ASIC2: variants seen among roughly 807,000 people sequenced by gnomAD.
ASIC2 encodes the protein acid sensing ion channel subunit 2, also known as acid-sensing ion channel 2.
A neutral mutation model predicts 57.3 loss-of-function variants in ASIC2; 25 were observed. The observed-to-expected ratio is 0.44, with a 90% CI of 0.32 to 0.61. The LOEUF is 0.61. Among genes scored for constraint, ASIC2 ranks in the 20% least tolerant of loss-of-function variants. The pLI is 0.06. For synonymous variants in ASIC2, 319 were observed against 307.5 expected (o/e 1.04, Z -0.39); for missense variants, 641 against 738.1 (o/e 0.87, Z 1.52).
At chr17:33,338,548 T>C (rs1907610817) in intron 1 of ASIC2, among the ~76,000 whole-genome samples, 1 of 152,106 alleles carries the variant, frequency 6.6e-6, no homozygotes, top group African/African-American at 2.4e-5. Context: ...ACAAGATGTG[T>C]GCGTGCACGA....
intron 1 of ASIC2, among the ~76,000 whole-genome samples, chr17:33,335,045 A>T (rs1410768813): frequency 6.6e-6 from 1 of 152,206 alleles, no homozygotes; most frequent in East Asian, 1.9e-4. Context: ...AACCAGTGTC[A>T]TGTGAGCCAA....
Position 34,156,204 on chromosome 17 carries a change from G to C in ASIC2, c.329C>G (p.Ala110Gly). 1 of 1,614,136 alleles carries C rather than the reference G, an allele frequency of 6.2e-7. No homozygotes were observed. The highest frequency in any genetic ancestry group is 8.5e-7 in the Non-Finnish European group (1 of 1,180,032). The change falls in exon 1 of 10, where the codon GCT (alanine) becomes GGT (glycine). Residue 110 changes from alanine to glycine, a missense_variant. Physicochemically the swap from Ala to Gly is moderately conservative, Grantham distance 60. Transcript: ENST00000359872. The surrounding 1 kb of genome is among the most constrained non-coding windows in gnomAD (Gnocchi z 4.4). Reference sequence around the variant, plus strand: ...ATCCAGCAGGGCCAGCAGCTCCCCAGCATGGTACAGGTCATTGGTGGTGAG... The same window carrying C: ...ATCCAGCAGGGCCAGCAGCTCCCCACCATGGTACAGGTCATTGGTGGTGAG...
At chr17:33,484,156 A>G (rs1913504109) in intron 1 of ASIC2, among the ~76,000 whole-genome samples, 1 of 152,254 alleles carries the variant, frequency 6.6e-6, no homozygotes, top group South Asian at 2.1e-4. Flanking sequence ...CTCCAGAACT[A>G]CAACAGAATA....
chr17:33,474,465 T>A (rs1175880414), intron 1 of ASIC2, among the ~76,000 whole-genome samples: 1 of 152,202 alleles, frequency 6.6e-6, no homozygotes, highest in African/African-American at 2.4e-5. Context: ...GAGAAAGGAA[T>A]GGGTGTAACC....
intron 1 of ASIC2, among the ~76,000 whole-genome samples, chr17:33,978,079 T>C (rs1246283620): frequency 6.6e-6 from 1 of 152,150 alleles, no homozygotes; most frequent in Non-Finnish European, 1.5e-5. Context: ...CATGAGTGAA[T>C]TCATAGCTGA....
intron 1 of ASIC2, among the ~76,000 whole-genome samples, chr17:34,116,539 A>G (rs1911428618): frequency 6.6e-6 from 1 of 152,156 alleles, no homozygotes. Flanking sequence ...AAGAAATCTT[A>G]CATTCTAGTC....
chr17:33,194,829 G>A (rs1199372464), intron 1 of ASIC2, among the ~76,000 whole-genome samples: 2 of 152,184 alleles, frequency 1.3e-5, no homozygotes, highest in Non-Finnish European at 2.9e-5. Flanking sequence ...CAACTTCTGG[G>A]ATACTCAGAG....
chr17:33,263,331 G>A (rs1909350693), intron 1 of ASIC2, among the ~76,000 whole-genome samples: 1 of 152,210 alleles, frequency 6.6e-6, no homozygotes. Flanking sequence ...TGTGGCTCCT[G>A]GCTGTGAGTC....
chr17:33,945,176 C>T (rs1481309077), intron 1 of ASIC2, among the ~76,000 whole-genome samples: 1 of 152,204 alleles, frequency 6.6e-6, no homozygotes, highest in Non-Finnish European at 1.5e-5. Flanking sequence ...TCTCCAGTCA[C>T]TTAACATCCC....
At chr17:33,410,364 C>T (rs962687929) in intron 1 of ASIC2, among the ~76,000 whole-genome samples, 1 of 152,164 alleles carries the variant, frequency 6.6e-6, no homozygotes, top group South Asian at 2.1e-4. Flanking sequence ...GGTTTAGAAA[C>T]GTACATGAGA....
In ASIC2 at chr17:34,110,185, G is replaced by A. The variant is rs115126281; in HGVS notation, c.555+45793C>T. On this transcript the variant is annotated intron_variant, in intron 1 of 9. Coordinates refer to the ASIC2 transcript ENST00000359872. ...ACCTTAAGGAGATGCTCTGAGAAGA[G>A]AGTCCCCAGTCTTGCCTATCTTATA... Among the ~76,000 whole-genome samples the A allele has an allele frequency of 6.3e-3, 966 of 152,288 alleles. 15 individuals carry two copies. The highest frequency in any genetic ancestry group is 0.022 in the African/African-American group (932 of 41,546).
At chr17:34,041,428 A>G (rs534681821) in intron 1 of ASIC2, 3 of 152,334 alleles carry the variant, frequency 2.0e-5, no homozygotes, top group South Asian at 4.1e-4. Context: ...CTAAGAGGCA[A>G]TATGATCAAA....
At chr17:33,213,362 G>A (rs1393751926) in intron 1 of ASIC2, among the ~76,000 whole-genome samples, 1 of 152,218 alleles carries the variant, frequency 6.6e-6, no homozygotes, top group Non-Finnish European at 1.5e-5. Flanking sequence ...AACAAGAGGG[G>A]CTGGCAATTT....
intron 1 of ASIC2, among the ~76,000 whole-genome samples, chr17:33,881,720 C>T (rs1013530947): frequency 1.5e-4 from 23 of 151,996 alleles, no homozygotes; most frequent in African/African-American, 5.3e-4. Context: ...CCATCCCCAT[C>T]AAGCTCAATG....
chr17:34,053,258 G>A (rs781515454), intron 1 of ASIC2, among the ~76,000 whole-genome samples: 10 of 152,198 alleles, frequency 6.6e-5, no homozygotes, highest in East Asian at 1.9e-4. Context: ...AGTTTAATGC[G>A]TCCACAGGCA....
intron 1 of ASIC2, among the ~76,000 whole-genome samples, chr17:33,507,028 A>C (rs774787271): frequency 6.6e-6 from 1 of 152,178 alleles, no homozygotes; most frequent in Non-Finnish European, 1.5e-5. Context: ...CTCTTCCTGT[A>C]GTCTTCACTG....
At chr17:33,658,531 C>T (rs1907148414) in intron 1 of ASIC2, among the ~76,000 whole-genome samples, 1 of 152,218 alleles carries the variant, frequency 6.6e-6, no homozygotes, top group Admixed American at 6.5e-5. Context: ...CACAGTTCTA[C>T]AGGCTGGAAA....
chr17:33,480,759 C>T (rs1483500273), intron 1 of ASIC2, among the ~76,000 whole-genome samples: 1 of 152,070 alleles, frequency 6.6e-6, no homozygotes, highest in East Asian at 1.9e-4. Context: ...CTGTAGAAAC[C>T]CTCTACCCCA....
At chr17:33,305,672 A>G (rs1937625754) in intron 1 of ASIC2, among the ~76,000 whole-genome samples, 1 of 152,230 alleles carries the variant, frequency 6.6e-6, no homozygotes, top group Admixed American at 6.5e-5. Flanking sequence ...TGGGCCATCA[A>G]GATTACATTT....
Sources: gnomAD v4.1 joint callset for allele counts (sites outside exome capture counted in the v4.1 genomes callset) on GRCh38, gnomAD v4.1.1 for gene constraint, Gnocchi (gnomAD v3.1) non-coding constraint, MANE v1.5 for transcripts, NCBI Gene and HGNC (gene_info 2026-07-23, HGNC 2026-07-21) for gene names.